The following GRIK4 variants were observed in gnomAD, a reference collection of about 807,000 sequenced individuals.
GRIK4 encodes glutamate ionotropic receptor kainate type subunit 4.
In GRIK4, 40 loss-of-function variants were observed where a neutral mutation model predicts 104.9. The ratio of observed to expected loss-of-function variants is 0.38; its 90% confidence interval spans 0.30 to 0.50. The LOEUF is 0.50. GRIK4 is among the 20% of genes least tolerant of loss of function. The pLI is 0.93. For missense variants in GRIK4, 1,047 were observed against 1,308.1 expected (o/e 0.80, Z 3.08); for synonymous variants, 485 against 524.9 (o/e 0.92, Z 1.04).
At position 120,566,567 on chromosome 11, in the gene GRIK4, T is replaced by C. The variant is rs943339376; in HGVS notation, c.-159+54680T>C. Reference sequence around the variant, plus strand: ...GTTCCAACAACTTGTAAACCCTTTTTTGTCTTGAGGTTCAGTTTTCTGAGT... The same window carrying C: ...GTTCCAACAACTTGTAAACCCTTTTCTGTCTTGAGGTTCAGTTTTCTGAGT... On this transcript the variant is annotated intron_variant, in intron 1 of 20. Transcript: ENST00000527524. 3.3e-5 allele frequency among the ~76,000 whole-genome samples: 5 copies of C among 152,318 alleles called. No individual in the cohort carries two copies. The East Asian group carries it at 7.7e-4, about 23-fold the overall frequency.
chr11:120,651,042 T>G (rs970740655), intron 1 of GRIK4, among the ~76,000 whole-genome samples: 1 of 152,134 alleles, frequency 6.6e-6, no homozygotes, highest in African/African-American at 2.4e-5. Context: ...AGGACTGACT[T>G]CTTCAGGGAA....
intron 1 of GRIK4, among the ~76,000 whole-genome samples, chr11:120,571,838 G>A (rs551253111): frequency 3.3e-5 from 5 of 152,308 alleles, no homozygotes; most frequent in African/African-American, 1.2e-4. Flanking sequence ...TTTCCTGGGT[G>A]AACGACCTAC....
chr11:120,543,500 G>T (rs1039837282), intron 1 of GRIK4, among the ~76,000 whole-genome samples: 5 of 79,780 alleles, frequency 6.3e-5, no homozygotes, highest in African/African-American at 2.3e-4. Context: ...ACTTGAACCC[G>T]GGAGGCGGAT....
intron 11 of GRIK4, among the ~76,000 whole-genome samples, chr11:120,892,346 G>C (rs924512952): frequency 5.9e-5 from 9 of 152,194 alleles, no homozygotes; most frequent in Admixed American, 5.9e-4. Context: ...GAATTGAAGG[G>C]TTTTAAGCAG....
chr11:120,772,101 G>A (rs1951955008), intron 3 of GRIK4, among the ~76,000 whole-genome samples: 1 of 152,184 alleles, frequency 6.6e-6, no homozygotes, highest in Non-Finnish European at 1.5e-5. Flanking sequence ...AGCCTTGTGG[G>A]CTCAGCCTCT....
Position 120,905,454 on chromosome 11 carries a change from C to T in GRIK4, c.1437C>T (p.Asn479=), listed in dbSNP as rs762292632. The T allele has an allele frequency of 1.9e-5, 28 of 1,445,492 alleles. No individual in the cohort carries two copies. The highest frequency in any genetic ancestry group is 7.9e-5 in the South Asian group (7 of 88,988). 89.5% of individuals were successfully genotyped at this position (1,445,492 alleles called of 1,614,324 possible). ...GDGVYGVPEA[N]GTWTGMVGEL... Reference sequence around the variant, plus strand: ...GCGTGTACGGCGTTCCCGAGGCCAACGGCACCTGGACGGGAATGGTCGGGG... The same window carrying T: ...GCGTGTACGGCGTTCCCGAGGCCAATGGCACCTGGACGGGAATGGTCGGGG... Residue 479 remains asparagine, a synonymous_variant, in exon 13 of 21, where the codon AAC becomes AAT. Transcript: ENST00000527524. This position sits in a 1 kb window ranked among gnomAD's most constrained non-coding sequence, Gnocchi z 5.1.
chr11:120,523,441 G>T (rs1177336414), intron 1 of GRIK4, among the ~76,000 whole-genome samples: 1 of 152,138 alleles, frequency 6.6e-6, no homozygotes, highest in African/African-American at 2.4e-5. Flanking sequence ...TATGTCAAGA[G>T]CTTGACCCTG....
At chr11:120,757,418 G>A (rs1298593135) in intron 3 of GRIK4, among the ~76,000 whole-genome samples, 1 of 152,156 alleles carries the variant, frequency 6.6e-6, no homozygotes, top group Non-Finnish European at 1.5e-5. Context: ...GTGAAATGTG[G>A]GTGATAGTAC....
At chr11:120,554,629 G>A (rs1257714193) in intron 1 of GRIK4, among the ~76,000 whole-genome samples, 1 of 151,506 alleles carries the variant, frequency 6.6e-6, no homozygotes, top group Non-Finnish European at 1.5e-5. Flanking sequence ...CGCGATCTCT[G>A]CTCATTGCAA....
chr11:120,566,007 C>T (rs1205277614), intron 1 of GRIK4, among the ~76,000 whole-genome samples: 1 of 152,096 alleles, frequency 6.6e-6, no homozygotes, highest in Non-Finnish European at 1.5e-5. Context: ...TGAAAGTAGG[C>T]GTCATTGTCT....
chr11:120,613,902 T>A (rs1949071013), intron 1 of GRIK4, among the ~76,000 whole-genome samples: 1 of 152,228 alleles, frequency 6.6e-6, no homozygotes, highest in Non-Finnish European at 1.5e-5. Flanking sequence ...AGCCCTACTA[T>A]AGCCTAGAAA....
At chr11:120,693,168 A>G (rs1208061534) in intron 3 of GRIK4, among the ~76,000 whole-genome samples, 1 of 150,456 alleles carries the variant, frequency 6.6e-6, no homozygotes, top group African/African-American at 2.5e-5. Flanking sequence ...GCAGTGGTGC[A>G]ATCTTGGCTT....
chr11:120,761,948 A>G (rs1441924791), intron 3 of GRIK4, among the ~76,000 whole-genome samples: 4 of 151,992 alleles, frequency 2.6e-5, no homozygotes, highest in African/African-American at 7.2e-5. Context: ...TTTTGCTTTC[A>G]TATTAAATTT....
At chr11:120,589,434 C>A (rs559165594) in intron 1 of GRIK4, among the ~76,000 whole-genome samples, 2 of 152,296 alleles carry the variant, frequency 1.3e-5, no homozygotes, top group African/African-American at 2.4e-5. Context: ...ATTGGATACA[C>A]CTGCTTTTGA....
chr11:120,531,130 T>C (rs1174132399), intron 1 of GRIK4, among the ~76,000 whole-genome samples: 1 of 152,202 alleles, frequency 6.6e-6, no homozygotes, highest in African/African-American at 2.4e-5. Context: ...CTTGCTTTCC[T>C]TGAGAGAGTG....
chr11:120,777,627 A>G (rs947163005), intron 3 of GRIK4, among the ~76,000 whole-genome samples: 3 of 152,216 alleles, frequency 2.0e-5, no homozygotes, highest in African/African-American at 7.2e-5. Context: ...GGGTGTTGAT[A>G]TACACTATGG....
intron 3 of GRIK4, among the ~76,000 whole-genome samples, chr11:120,674,180 TA>T (rs1445565057): frequency 2.6e-5 from 4 of 152,202 alleles, no homozygotes; most frequent in African/African-American, 7.2e-5. Flanking sequence ...CACCCTCCTC[TA>T]AATCAGTTTT....
chr11:120,524,205 G>A lies in GRIK4; in HGVS notation c.-159+12318G>A, dbSNP rs761576384. Among the ~76,000 whole-genome samples the A allele has an allele frequency of 1.2e-4, 19 of 152,164 alleles. No individual in the cohort carries two copies. The highest frequency in any genetic ancestry group is 3.9e-4 in the African/African-American group (16 of 41,432). ...CTCCCAAAGTGCTGGGATTAGCGGC[G>A]TGAGCCACCGCGTCTGGCCGTTTCT... On this transcript the variant is annotated intron_variant, in intron 1 of 20. Coordinates refer to ENST00000527524, the MANE Select transcript of GRIK4 (RefSeq NM_014619.5). The surrounding 1 kb of genome is among the most constrained non-coding windows in gnomAD (Gnocchi z 4.5).
chr11:120,619,569 C>T (rs889241369), intron 1 of GRIK4, among the ~76,000 whole-genome samples: 8 of 152,082 alleles, frequency 5.3e-5, no homozygotes, highest in Admixed American at 1.3e-4. Context: ...TTGTAATACC[C>T]GGTGTTGGAG....
Sources: allele counts gnomAD v4.1 joint callset (sites outside exome capture counted in the v4.1 genomes callset), GRCh38; gene constraint gnomAD v4.1.1; non-coding constraint Gnocchi (gnomAD v3.1); transcripts MANE v1.5; gene names NCBI Gene and HGNC (gene_info 2026-07-23, HGNC 2026-07-21).